KIAA0825: variants seen among roughly 807,000 people sequenced by gnomAD.
KIAA0825 encodes the protein uncharacterized protein KIAA0825.
In KIAA0825, 119 loss-of-function variants were observed where a neutral mutation model predicts 147.6. The ratio of observed to expected loss-of-function variants is 0.81; its 90% confidence interval spans 0.69 to 0.94. The LOEUF is 0.94. Among genes scored for constraint, KIAA0825 ranks in the 40% least tolerant of loss-of-function variants. The pLI, the probability that KIAA0825 is intolerant of heterozygous loss-of-function variation, is 0.00. For synonymous variants in KIAA0825, 470 were observed against 518.1 expected, an observed-to-expected ratio of 0.91 and a Z score of 1.26; for missense variants, 1,381 against 1,472.7, an observed-to-expected ratio of 0.94 and a Z score of 1.02.
At chr5:94,597,056 G>C (rs1211769865) in intron 1 of KIAA0825, among the ~76,000 whole-genome samples, 2 of 152,024 alleles carry the variant, frequency 1.3e-5, no homozygotes, top group African/African-American at 2.4e-5. Flanking sequence ...CTTCCTATTT[G>C]GATGCTGTTT....
Position 94,383,787 on chromosome 5 carries a change from C to G in KIAA0825, c.3710+581G>C, listed in dbSNP as rs1025568764. Among the ~76,000 whole-genome samples, 27 of 145,350 alleles carry G rather than the reference C, an allele frequency of 1.9e-4. 1 individual carries two copies. Among genetic ancestry groups the G allele is most frequent in the African/African-American group, 6.9e-4 (27 of 39,376 alleles). Reference sequence around the variant, plus strand: ...TATCATTTCATTGGATTATACTGCTCTGTGTGTGTGTGTGTGTGTGTGTGT... The same window carrying G: ...TATCATTTCATTGGATTATACTGCTGTGTGTGTGTGTGTGTGTGTGTGTGT... On this transcript the variant is annotated intron_variant, in intron 20 of 20. Transcript: ENST00000682413.
At chr5:94,254,178 T>C (rs1478110377) in intron 20 of KIAA0825, among the ~76,000 whole-genome samples, 2 of 152,172 alleles carry the variant, frequency 1.3e-5, no homozygotes, top group African/African-American at 4.8e-5. Flanking sequence ...TTATTGTCTT[T>C]GGCTCTAATT....
intron 5 of KIAA0825, among the ~76,000 whole-genome samples, chr5:94,504,458 G>C (rs555886494): frequency 2.6e-5 from 4 of 152,104 alleles, no homozygotes; most frequent in Admixed American, 2.0e-4. Flanking sequence ...ACTCCAAAAG[G>C]CTTATGATAA....
In KIAA0825 at chr5:94,537,101, T is replaced by C. The variant is rs1047908011; in HGVS notation, c.26A>G (p.His9Arg). The C allele has an allele frequency of 9.9e-6, 16 of 1,611,802 alleles. No homozygotes were observed. The highest frequency in any genetic ancestry group is 2.7e-5 in the African/African-American group (2 of 74,862). The stretch of plus-strand genomic sequence containing the variant: ...CAAACAATGTAGGTCAAAAGAATTA[T>C]GAGAATATTCATCATCCCAATCCAT... The part of the protein sequence containing the change: MDWDDEYS[H>R]NSFDLHCLLN... The change falls in exon 3 of 21, where the codon CAT becomes CGT. Residue 9 changes from histidine to arginine, a missense_variant. Transcript: ENST00000682413.
intron 20 of KIAA0825, among the ~76,000 whole-genome samples, chr5:94,310,159 T>C (rs1475432801): frequency 1.3e-5 from 2 of 151,712 alleles, no homozygotes; most frequent in Non-Finnish European, 3.0e-5. Context: ...TCCTATTCCA[T>C]CCTTTGGAAA....
At chr5:94,387,830 G>A (rs1377457229) in intron 18 of KIAA0825, among the ~76,000 whole-genome samples, 1 of 152,176 alleles carries the variant, frequency 6.6e-6, no homozygotes, top group East Asian at 1.9e-4. Context: ...AGGTAAAGCT[G>A]TGGGGAGGAG....
chr5:94,419,970 C>A lies in KIAA0825; in HGVS notation c.2498-2605G>T, dbSNP rs572880582. 3.3e-5 allele frequency among the ~76,000 whole-genome samples: 5 copies of A among 152,142 alleles called. No homozygotes were observed. The East Asian group carries it at 9.7e-4, about 29-fold the overall frequency. On this transcript the variant is annotated intron_variant, in intron 14 of 20. Coordinates refer to ENST00000682413, the MANE Select transcript of KIAA0825 (RefSeq NM_001145678.3). The stretch of plus-strand genomic sequence containing the variant: ...CACTGTGGAAATGCAGAGGATGATG[C>A]TTTAAATTTTTTCAGGGAACACAGA...
chr5:94,369,814 T>C (rs772754838), intron 20 of KIAA0825, among the ~76,000 whole-genome samples: 42 of 151,842 alleles, frequency 2.8e-4, no homozygotes, highest in Non-Finnish European at 4.6e-4. Flanking sequence ...AGGGAGAGGA[T>C]AGGGGAAAAA....
chr5:94,544,639 A>G (rs569031249), intron 2 of KIAA0825, among the ~76,000 whole-genome samples: 3 of 152,270 alleles, frequency 2.0e-5, no homozygotes, highest in African/African-American at 7.2e-5. Flanking sequence ...CTGACATTTC[A>G]ATAGGATTTC....
intron 20 of KIAA0825, among the ~76,000 whole-genome samples, chr5:94,167,273 A>G (rs1360417063): frequency 6.6e-6 from 1 of 152,254 alleles, no homozygotes; most frequent in Admixed American, 6.5e-5. Context: ...GTTAGCAGAA[A>G]TTGAGAAATC....
chr5:94,555,555 T>C (rs780318533), intron 2 of KIAA0825, among the ~76,000 whole-genome samples: 5 of 152,160 alleles, frequency 3.3e-5, no homozygotes, highest in Admixed American at 1.3e-4. Context: ...TATATGTGTG[T>C]GTATGAAGTA....
chr5:94,179,148 A>G (rs894392557), intron 20 of KIAA0825, among the ~76,000 whole-genome samples: 2 of 152,078 alleles, frequency 1.3e-5, no homozygotes, highest in Non-Finnish European at 2.9e-5. Context: ...TTGTCCAAAA[A>G]AGGGTAACTC....
intron 20 of KIAA0825, among the ~76,000 whole-genome samples, chr5:94,364,098 TAGG>T (rs1184320057): frequency 6.6e-6 from 1 of 151,876 alleles, no homozygotes; most frequent in Non-Finnish European, 1.5e-5. Context: ...TCAGTCTATT[TAGG>T]GAGACAGATA....
At chr5:94,272,840 G>A (rs910356704) in intron 20 of KIAA0825, among the ~76,000 whole-genome samples, 1 of 152,158 alleles carries the variant, frequency 6.6e-6, no homozygotes, top group Non-Finnish European at 1.5e-5. Context: ...GATGCCAGGG[G>A]GATGGAATAC....
intron 2 of KIAA0825, chr5:94,568,116 T>C (rs921941475): frequency 6.1e-6 from 1 of 162,836 alleles, no homozygotes; most frequent in Admixed American, 6.4e-5. Context: ...TTCCTACACA[T>C]CTGTACCCAT....
At chr5:94,560,958 T>C (rs549620861) in intron 2 of KIAA0825, among the ~76,000 whole-genome samples, 80 of 152,354 alleles carry the variant, frequency 5.3e-4, no homozygotes, top group Non-Finnish European at 9.7e-4. Context: ...GAAATGTCTC[T>C]TGTTATTCAC....
At position 94,152,428 on chromosome 5, in the gene KIAA0825, C is replaced by T. The variant is rs894902165; in HGVS notation, c.*1579G>A. On this transcript the variant is annotated 3_prime_UTR_variant, in exon 21 of 21. Coordinates refer to ENST00000682413, the MANE Select transcript of KIAA0825 (RefSeq NM_001145678.3). ...CTGGGCCTGGTGTGGTGGCTTATGCCTATAGTTCCAGGGCTTTGAGAGACA... is the reference window on the plus strand; with the variant it reads ...CTGGGCCTGGTGTGGTGGCTTATGCTTATAGTTCCAGGGCTTTGAGAGACA... 6.6e-6 allele frequency among the ~76,000 whole-genome samples: 1 copy of T among 152,060 alleles called. No homozygotes were observed. The highest frequency in any genetic ancestry group is 2.4e-5 in the African/African-American group (1 of 41,398).
chr5:94,602,876 T>C (rs890942447), intron 1 of KIAA0825, among the ~76,000 whole-genome samples: 1 of 151,384 alleles, frequency 6.6e-6, no homozygotes, highest in African/African-American at 2.4e-5. Context: ...TCACCCAGGC[T>C]GGAGTGCAGT....
intron 7 of KIAA0825, among the ~76,000 whole-genome samples, chr5:94,475,510 T>C (rs1392693864): frequency 6.6e-6 from 1 of 152,158 alleles, no homozygotes; most frequent in Non-Finnish European, 1.5e-5. Flanking sequence ...CAGCTGCTCT[T>C]AAAAAGAAAA....
Sources: allele counts gnomAD v4.1 joint callset (sites outside exome capture counted in the v4.1 genomes callset), GRCh38; gene constraint gnomAD v4.1.1; transcripts MANE v1.5; gene names NCBI Gene and HGNC (gene_info 2026-07-23, HGNC 2026-07-21).